The following USP11 variants were observed in gnomAD, a reference collection of about 807,000 sequenced individuals.
USP11 encodes the protein ubiquitin carboxyl-terminal hydrolase 11.
Under a neutral mutation model 72.8 loss-of-function variants are expected in USP11, and 5 were observed. That is an observed-to-expected ratio of 0.07 (90% CI 0.04 to 0.14). The LOEUF (loss-of-function observed/expected upper bound fraction) is 0.14. USP11 is among the 10% of genes least tolerant of loss of function. USP11 has a pLI of 1.00. For synonymous variants in USP11, 368 were observed against 326.5 expected (o/e 1.13, Z -1.37); for missense variants, 480 against 794.7 (o/e 0.60, Z 4.76).
chrX:47,233,559 G>A (rs1418871182), intron 1 of USP11: 2 of 865,058 alleles, frequency 2.3e-6, no homozygotes, highest in Non-Finnish European at 2.8e-6. Context: ...TAAGGCGGGG[G>A]CGCGGCCTGC....
At chrX:47,245,178 A>G (rs1435306734) in intron 16 of USP11, 92 bp downstream of exon 16, 1 of 1,087,148 alleles carries the variant, frequency 9.2e-7, no homozygotes, top group Non-Finnish European at 1.2e-6. Context: ...CTGGGAACAG[A>G]GCCAAGAGAT....
chrX:47,245,396 G>A lies in USP11; in HGVS notation c.2184G>A (p.Gly728=). The A allele has an allele frequency of 8.3e-7, 1 of 1,211,569 alleles. No homozygotes were observed. Among genetic ancestry groups the A allele is most frequent in the Non-Finnish European group, 1.1e-6 (1 of 895,212 alleles). Residue 728 remains glycine, a synonymous_variant, in exon 17 of 21, where the codon GGG becomes GGA. Coordinates refer to ENST00000377107, the MANE Select transcript of USP11 (RefSeq NM_001371072.1). ...AEGYVKHDCV[G]YVMKKAPVRL... is the part of the protein sequence containing the mutation. ...GCTACGTGAAGCATGACTGCGTCGG[G>A]TACGTGATGAAGAAGGCTCCCGTGC... is the stretch of plus-strand genomic sequence containing the variant.
Position 47,239,196 on chromosome X carries a change from T to G in USP11, c.286+17T>G, listed in dbSNP as rs1442222094. 1.1e-5 allele frequency: 13 copies of G among 1,194,103 alleles called. No homozygotes were observed. Among genetic ancestry groups the G allele is most frequent in the Non-Finnish European group, 1.4e-5 (12 of 884,728 alleles). ...TCTTTCAAGGTACAAGGCCTTTGCCTCCTTCTCACCCTAGCCCTGGAGTTC... is the reference window on the plus strand; with the variant it reads ...TCTTTCAAGGTACAAGGCCTTTGCCGCCTTCTCACCCTAGCCCTGGAGTTC... On this transcript the variant is annotated intron_variant, in intron 2 of 20. Coordinates refer to ENST00000377107, the MANE Select transcript of USP11 (RefSeq NM_001371072.1).
rs2055403499 is a variant in USP11, at chrX:47,241,567, A to G, written c.1047A>G (p.Gln349=). ...FKNKVGHFAS[Q]FLGYQQHDSQ... Reference sequence around the variant, plus strand: ...ACAAGGTTGGCCATTTTGCATCCCAATTTCTGGGCTACCAGCAGCATGACT... The same window carrying G: ...ACAAGGTTGGCCATTTTGCATCCCAGTTTCTGGGCTACCAGCAGCATGACT... Residue 349 remains glutamine (Q), a synonymous_variant, in exon 9 of 21, where the codon CAA becomes CAG. Transcript: ENST00000377107. 8.3e-7 allele frequency: 1 copy of G among 1,201,237 alleles called. No homozygotes were observed. The highest frequency in any genetic ancestry group is 1.1e-6 in the Non-Finnish European group (1 of 890,527).
intron 13 of USP11, 138 bp downstream of exon 13, chrX:47,243,740 G>A: frequency 1.6e-6 from 1 of 642,675 alleles, no homozygotes; most frequent in Non-Finnish European, 2.3e-6. Flanking sequence ...GAACTTGTAG[G>A]GTTTTTTCTT....
chrX:47,242,210 C>T lies in USP11; in HGVS notation c.1308C>T (p.Asp436=), dbSNP rs1215971265. Residue 436 remains aspartate, a synonymous_variant, in exon 10 of 21, where the codon GAC becomes GAT. Transcript: ENST00000377107. ...GTGGCAATGTATCTGTGACCTTCGA[C>T]CCCTTCTGCTACCTCAGTGTTCCAC... ...PDCGNVSVTF[D]PFCYLSVPLP... 6 of 1,210,442 alleles carry T rather than the reference C, an allele frequency of 5.0e-6. No individual in the cohort carries two copies. The highest frequency in any genetic ancestry group is 2.2e-5 in the Admixed American group (1 of 45,875).
chrX:47,239,719 C>T (rs944588500), intron 3 of USP11, 71 bp from the exon 4 acceptor site: 5 of 1,085,235 alleles, frequency 4.6e-6, no homozygotes, highest in Non-Finnish European at 6.4e-6. Context: ...GTGTGTGCTC[C>T]TCTCATTTGA....
At position 47,247,338 on chromosome X, in the gene USP11, C is replaced by G; in HGVS notation, c.2455C>G (p.Gln819Glu). Residue 819 changes from glutamine (Q) to glutamate (E), a missense_variant, in exon 19 of 21, where the codon CAG becomes GAG. Coordinates refer to ENST00000377107, the MANE Select transcript of USP11 (RefSeq NM_001371072.1). ...CTTCTCTGAGTTTGTCATCCAGCCA[C>G]AGAATGAGTCGAATCCGGAGCTGTA... ...LDFSEFVIQPQNESNPELYKY... is the reference protein window; with the variant it reads ...LDFSEFVIQPENESNPELYKY... 2.5e-6 allele frequency: 3 copies of G among 1,211,654 alleles called. No homozygotes were observed. In the South Asian group the frequency reaches 5.3e-5, roughly 21 times the overall value.
rs1010210168 is a variant in USP11, at chrX:47,235,930, C to T, written c.176+2711C>T. On this transcript the variant is annotated intron_variant, in intron 1 of 20. Coordinates refer to ENST00000377107, the MANE Select transcript of USP11 (RefSeq NM_001371072.1). ...TTCAAAAGGGCCTTGAGGCTTTGAT[C>T]CTTGCCTCTTCCTACCTTTGTAGCC... Among the ~76,000 whole-genome samples, 3 of 111,798 alleles carry T rather than the reference C, an allele frequency of 2.7e-5. No individual in the cohort carries two copies. In the Admixed American group the frequency reaches 2.9e-4, roughly 11 times the overall value.
At chrX:47,240,532 G>T in intron 5 of USP11, 55 bp from the exon 6 acceptor site, 2 of 1,209,114 alleles carry the variant, frequency 1.7e-6, no homozygotes, top group Non-Finnish European at 2.2e-6. Flanking sequence ...TGAAGGCTAG[G>T]TACCCATAAT....
At position 47,243,603 on chromosome X, in the gene USP11, G is replaced by A; in HGVS notation, c.1790+1G>A. 1 of 1,210,855 alleles carries A rather than the reference G, an allele frequency of 8.3e-7. No homozygotes were observed. On this transcript the variant is annotated splice_donor_variant, in intron 13 of 20. Transcript: ENST00000377107. LOFTEE classifies it high-confidence loss of function. ...ATAACGTCCTGATGTACCGGCTCTCGTAAGTGTCCTCTTCCCCGGGGGTGG... is the reference window on the plus strand; with the variant it reads ...ATAACGTCCTGATGTACCGGCTCTCATAAGTGTCCTCTTCCCCGGGGGTGG...
chrX:47,239,059 C>T lies in USP11; in HGVS notation c.177-11C>T, dbSNP rs190719813. The T allele has an allele frequency of 1.2e-3, 1,382 of 1,197,526 alleles. 2 individuals carry two copies. Among genetic ancestry groups the T allele is most frequent in the Admixed American group, 1.7e-3 (76 of 45,005 alleles). On this transcript the variant is annotated splice_polypyrimidine_tract_variant and intron_variant, in intron 1 of 20. Coordinates refer to ENST00000377107, the MANE Select transcript of USP11 (RefSeq NM_001371072.1). ...CCCATGTAACACCCTTGTTACCTGTCTGGGCCCCAGGTTCCTTGTGGAGAA... is the reference window on the plus strand; with the variant it reads ...CCCATGTAACACCCTTGTTACCTGTTTGGGCCCCAGGTTCCTTGTGGAGAA...
intron 1 of USP11, among the ~76,000 whole-genome samples, chrX:47,234,250 G>A (rs1240530456): frequency 8.9e-6 from 1 of 111,846 alleles, no homozygotes. Flanking sequence ...AAAGGCTGAA[G>A]AACTGTTCCA....
At chrX:47,239,257 A>G (rs1388399173) in intron 2 of USP11, 78 bp downstream of exon 2, 2 of 1,174,921 alleles carry the variant, frequency 1.7e-6, no homozygotes, top group Non-Finnish European at 2.3e-6. Flanking sequence ...TCATAAGCCC[A>G]TTCTGTGTGC....
At chrX:47,244,439 C>T (rs999159230) in intron 13 of USP11, 59 bp from the exon 14 acceptor site, 75 of 1,160,379 alleles carry the variant, frequency 6.5e-5, no homozygotes, top group East Asian at 2.1e-4. Flanking sequence ...AGTAAAATCC[C>T]GGGCTCTATC....
rs376031086 is a variant in USP11 at position 47,243,564 on chromosome X, C to G, written c.1752C>G (p.Thr584=). 4.1e-6 allele frequency: 5 copies of G among 1,211,806 alleles called. No individual in the cohort carries two copies. Among genetic ancestry groups the G allele is most frequent in the Non-Finnish European group, 5.6e-6 (5 of 895,518 alleles). Residue 584 remains threonine (T), a synonymous_variant, in exon 13 of 21, where the codon ACC becomes ACG. Transcript: ENST00000377107. The part of the protein sequence containing the change: ...LLVSVPRDRF[T]WEGLYNVLMY... The stretch of plus-strand genomic sequence containing the variant: ...TATCAGTGCCCCGGGACCGCTTCAC[C>G]TGGGAGGGCCTGTATAACGTCCTGA...
In USP11 at chrX:47,242,443, G is replaced by A. The variant is rs867955965; in HGVS notation, c.1409G>A (p.Arg470Gln). The A allele has an allele frequency of 7.4e-6, 9 of 1,211,814 alleles. No homozygotes were observed. The highest frequency in any genetic ancestry group is 5.3e-5 in the South Asian group (3 of 56,995). The part of the protein sequence containing the change: ...MDPRRKPEQH[R>Q]LVVPKKGKIS... ...TGGATACCGTTTTTCCCTTAGCACC[G>A]GCTCGTGGTCCCCAAGAAAGGCAAG... The change falls in exon 11 of 21, where the codon CGG (arginine) becomes CAG (glutamine). Residue 470 changes from arginine (R) to glutamine (Q), a missense_variant. Physicochemically the swap from Arg to Gln is conservative, Grantham distance 43. Coordinates refer to ENST00000377107, the MANE Select transcript of USP11 (RefSeq NM_001371072.1).
In USP11 at chrX:47,242,676, A is replaced by G; in HGVS notation, c.1539A>G (p.Leu513=). The part of the protein sequence containing the change: ...FSHRFYKLYQ[L]EEPLSSILDR... ...ACCGCTTCTATAAGCTCTATCAGCT[A>G]GAGGAGCCTCTGAGCAGCATCTTGG... Residue 513 remains leucine, a synonymous_variant, in exon 12 of 21, where the codon CTA becomes CTG. Coordinates refer to ENST00000377107, the MANE Select transcript of USP11 (RefSeq NM_001371072.1). The G allele has an allele frequency of 8.3e-7, 1 of 1,211,491 alleles. No homozygotes were observed. The highest frequency in any genetic ancestry group is 1.1e-6 in the Non-Finnish European group (1 of 894,958).
chrX:47,241,161 C>G (rs2055400803), intron 7 of USP11, 116 bp from the exon 8 acceptor site: 2 of 796,304 alleles, frequency 2.5e-6, no homozygotes, highest in African/African-American at 2.1e-5. Context: ...CTCTCTCCTC[C>G]CTTCCCCTTC....
Sources: gnomAD v4.1 joint callset for allele counts (sites outside exome capture counted in the v4.1 genomes callset) on GRCh38, gnomAD v4.1.1 for gene constraint, MANE v1.5 for transcripts, NCBI Gene and HGNC (gene_info 2026-07-23, HGNC 2026-07-21) for gene names.